Variants in MAGI1 observed in about 807,000 individuals in gnomAD.
The protein encoded by MAGI1 is membrane-associated guanylate kinase, WW and PDZ domain-containing protein 1.
Under a neutral mutation model 139.9 loss-of-function variants are expected in MAGI1, and 58 were observed. The observed-to-expected ratio is 0.41, with a 90% CI of 0.34 to 0.52. MAGI1 has a LOEUF of 0.52. MAGI1 is among the 20% of genes least tolerant of loss of function. The probability of loss-of-function intolerance (pLI) is 0.12; values close to 1 mark genes in which losing one functional copy is unlikely to be tolerated. For synonymous variants in MAGI1, 812 were observed against 737.9 expected (o/e 1.10, Z -1.63); for missense variants, 1,874 against 1,901.6 (o/e 0.99, Z 0.27).
chr3:65,738,388 G>T (rs180887019), intron 1 of MAGI1, among the ~76,000 whole-genome samples: 3 of 152,266 alleles, frequency 2.0e-5, no homozygotes, highest in African/African-American at 7.2e-5. Flanking sequence ...GTATTGCCAG[G>T]CTGCACTGAA....
chr3:65,925,518 C>G (rs2062453756), intron 1 of MAGI1, among the ~76,000 whole-genome samples: 1 of 152,110 alleles, frequency 6.6e-6, no homozygotes, highest in African/African-American at 2.4e-5. Flanking sequence ...ACTTTGTTCA[C>G]TATAGTCACA....
chr3:65,567,162 G>A (rs1367828931), intron 2 of MAGI1, among the ~76,000 whole-genome samples: 2 of 152,108 alleles, frequency 1.3e-5, no homozygotes, highest in Non-Finnish European at 2.9e-5. Context: ...AAGACCTCTA[G>A]TATGAGATAG....
intron 2 of MAGI1, among the ~76,000 whole-genome samples, chr3:65,614,622 T>G (rs1003607487): frequency 6.6e-6 from 1 of 152,134 alleles, no homozygotes; most frequent in African/African-American, 2.4e-5. Context: ...TTACTCAGCC[T>G]CTCTGCTCCC....
intron 4 of MAGI1, 39 bp from the exon 5 acceptor site, chr3:65,470,523 G>GAGA (rs540539624): frequency 3.4e-4 from 314 of 933,708 alleles, no homozygotes; most frequent in South Asian, 2.4e-3. Flanking sequence ...GAGAGAGAGA[G>GAGA]AAAAAAAAAA....
intron 1 of MAGI1, among the ~76,000 whole-genome samples, chr3:66,029,401 C>T (rs1306507514): frequency 6.6e-6 from 1 of 152,126 alleles, no homozygotes; most frequent in Non-Finnish European, 1.5e-5. Context: ...ATAACTGTGG[C>T]CCATTAAACA....
At chr3:65,961,690 G>A (rs954328449) in intron 1 of MAGI1, among the ~76,000 whole-genome samples, 2 of 152,150 alleles carry the variant, frequency 1.3e-5, no homozygotes, top group African/African-American at 4.8e-5. Flanking sequence ...AGAAAACAGG[G>A]TTCCTTGTAT....
intron 1 of MAGI1, among the ~76,000 whole-genome samples, chr3:65,969,027 C>G (rs2107164393): frequency 6.6e-6 from 1 of 152,308 alleles, no homozygotes; most frequent in East Asian, 1.9e-4. Context: ...GTATTAGGAA[C>G]ATTTAGCAAA....
intron 1 of MAGI1, among the ~76,000 whole-genome samples, chr3:65,849,407 G>C (rs895517987): frequency 6.6e-6 from 1 of 151,142 alleles, no homozygotes; most frequent in African/African-American, 2.4e-5. Flanking sequence ...GATGAGCACA[G>C]TCCATCTCCC....
chr3:65,466,205 A>G (rs1200850001), intron 5 of MAGI1, among the ~76,000 whole-genome samples: 1 of 152,204 alleles, frequency 6.6e-6, no homozygotes, highest in Non-Finnish European at 1.5e-5. Context: ...AAAATCTGTT[A>G]GGTAATTCTA....
At chr3:65,448,152 A>G in intron 6 of MAGI1, 95 bp from the exon 7 acceptor site, 2 of 1,076,972 alleles carry the variant, frequency 1.9e-6, no homozygotes, top group African/African-American at 1.5e-5. Context: ...GGAAAACAGC[A>G]GCAAACACAT....
At chr3:65,955,247 T>G (rs2064063681) in intron 1 of MAGI1, among the ~76,000 whole-genome samples, 1 of 152,198 alleles carries the variant, frequency 6.6e-6, no homozygotes. Context: ...GGCTGACGCC[T>G]GTAATCCCAA....
chr3:65,575,736 A>C (rs1381267726), intron 2 of MAGI1, among the ~76,000 whole-genome samples: 2 of 152,216 alleles, frequency 1.3e-5, no homozygotes, highest in Non-Finnish European at 2.9e-5. Context: ...TGGCTCTCAA[A>C]AAATTCTGCT....
intron 7 of MAGI1, among the ~76,000 whole-genome samples, chr3:65,443,235 A>G (rs1234226350): frequency 6.6e-6 from 1 of 152,220 alleles, no homozygotes; most frequent in Non-Finnish European, 1.5e-5. Flanking sequence ...AAAATGGATG[A>G]AAATTAATGT....
intron 1 of MAGI1, among the ~76,000 whole-genome samples, chr3:65,947,601 A>C (rs2106905929): frequency 6.6e-6 from 1 of 152,274 alleles, no homozygotes; most frequent in South Asian, 2.1e-4. Context: ...TGAAAGCTTT[A>C]ATCAGCAATA....
At chr3:65,437,592 G>C (rs1575741739) in intron 9 of MAGI1, among the ~76,000 whole-genome samples, 1 of 152,150 alleles carries the variant, frequency 6.6e-6, no homozygotes, top group Non-Finnish European at 1.5e-5. Context: ...TCAGACATGA[G>C]CTGGGCTGCT....
At chr3:65,438,960 C>A (rs1948042988) in intron 9 of MAGI1, among the ~76,000 whole-genome samples, 1 of 152,096 alleles carries the variant, frequency 6.6e-6, no homozygotes, top group African/African-American at 2.4e-5. Context: ...GTTTGCCAAC[C>A]TGTAGTCTAT....
At chr3:65,861,783 C>A (rs954339688) in intron 1 of MAGI1, among the ~76,000 whole-genome samples, 1 of 150,792 alleles carries the variant, frequency 6.6e-6, no homozygotes, top group African/African-American at 2.5e-5. Flanking sequence ...AGGGACTGGG[C>A]CTTCATTGTC....
At chr3:66,008,432 A>G (rs1250570478) in intron 1 of MAGI1, among the ~76,000 whole-genome samples, 1 of 152,116 alleles carries the variant, frequency 6.6e-6, no homozygotes, top group Non-Finnish European at 1.5e-5. Flanking sequence ...AAACATGAGC[A>G]CCCACCACAT....
At chr3:65,679,273 C>T (rs2087408954) in intron 1 of MAGI1, among the ~76,000 whole-genome samples, 1 of 152,222 alleles carries the variant, frequency 6.6e-6, no homozygotes, top group African/African-American at 2.4e-5. Flanking sequence ...AAATCCAGCA[C>T]TCAGCGACTA....
Sources: allele counts gnomAD v4.1 joint callset (sites outside exome capture counted in the v4.1 genomes callset), GRCh38; gene constraint gnomAD v4.1.1; transcripts MANE v1.5; gene names NCBI Gene and HGNC (gene_info 2026-07-23, HGNC 2026-07-21).